The following MFHAS1 variants were observed in gnomAD, a reference collection of about 807,000 sequenced individuals.
MFHAS1 encodes multifunctional ROCO family signaling regulator 1.
A neutral mutation model predicts 70.4 loss-of-function variants in MFHAS1; 50 were observed. That is an observed-to-expected ratio of 0.71 (90% CI 0.57 to 0.90). MFHAS1 has a LOEUF of 0.90. Among genes scored for constraint, MFHAS1 ranks in the 40% least tolerant of loss-of-function variants. The pLI, the probability that MFHAS1 is intolerant of heterozygous loss-of-function variation, is 0.00. For missense variants in MFHAS1, 1,795 were observed against 1,347.6 expected, an observed-to-expected ratio of 1.33 and a Z score of -5.20; for synonymous variants, 952 against 620.0, an observed-to-expected ratio of 1.54 and a Z score of -7.96.
intron 1 of MFHAS1, among the ~76,000 whole-genome samples, chr8:8,833,112 A>T (rs1051140189): frequency 2.6e-5 from 4 of 152,082 alleles, no homozygotes; most frequent in Admixed American, 6.6e-5. Flanking sequence ...ACACACTTTT[A>T]AACAACCAGA....
intron 1 of MFHAS1, among the ~76,000 whole-genome samples, chr8:8,865,951 T>C (rs1481025178): frequency 1.3e-5 from 2 of 152,204 alleles, no homozygotes; most frequent in Non-Finnish European, 2.9e-5. Flanking sequence ...TCAGGCGGCT[T>C]GGCCTACTCT....
intron 1 of MFHAS1, 142 bp from the exon 2 acceptor site, chr8:8,797,633 A>C: frequency 1.1e-6 from 1 of 949,256 alleles, no homozygotes; most frequent in Non-Finnish European, 1.5e-6. Context: ...CAAATGTGCA[A>C]CCAAGAACAG....
intron 1 of MFHAS1, among the ~76,000 whole-genome samples, chr8:8,816,795 A>C (rs1806764252): frequency 6.6e-6 from 1 of 152,214 alleles, no homozygotes; most frequent in Admixed American, 6.5e-5. Flanking sequence ...AGGAGTAGCA[A>C]TAACATGGAA....
At chr8:8,855,754 G>A (rs192698046) in intron 1 of MFHAS1, among the ~76,000 whole-genome samples, 146 of 152,306 alleles carry the variant, frequency 9.6e-4, no homozygotes, top group Non-Finnish European at 1.6e-3. Flanking sequence ...TACTTGGGAG[G>A]CTGAGACAGG....
chr8:8,818,506 C>T (rs767669126), intron 1 of MFHAS1, among the ~76,000 whole-genome samples: 7 of 152,180 alleles, frequency 4.6e-5, no homozygotes, highest in Non-Finnish European at 5.9e-5. Flanking sequence ...GCCATTTATC[C>T]ACTGGATAAC....
At chr8:8,810,980 G>T (rs1257218013) in intron 1 of MFHAS1, among the ~76,000 whole-genome samples, 1 of 152,108 alleles carries the variant, frequency 6.6e-6, no homozygotes, top group Non-Finnish European at 1.5e-5. Context: ...CTTGCAATCG[G>T]ACCCACAGCA....
At chr8:8,808,809 G>C (rs1483264552) in intron 1 of MFHAS1, among the ~76,000 whole-genome samples, 3 of 152,204 alleles carry the variant, frequency 2.0e-5, no homozygotes, top group African/African-American at 4.8e-5. Flanking sequence ...TCAGGATCCA[G>C]TAGGGTACTT....
rs944717053 is a variant in MFHAS1, at chr8:8,883,093, C to T, written c.2998+6968G>A. ...ACTTGGACCCAGGAGGTGGAGGTTGCAGTGAGCCATGACTGTGCCACTGCA... is the reference window on the plus strand; with the variant it reads ...ACTTGGACCCAGGAGGTGGAGGTTGTAGTGAGCCATGACTGTGCCACTGCA... On this transcript the variant is annotated intron_variant, in intron 1 of 2. Coordinates refer to ENST00000276282, the MANE Select transcript of MFHAS1 (RefSeq NM_004225.3). 2.0e-5 allele frequency among the ~76,000 whole-genome samples: 3 copies of T among 152,266 alleles called. No homozygotes were observed. In the East Asian group the frequency reaches 5.8e-4, roughly 29 times the overall value.
Position 8,890,044 on chromosome 8 carries a change from T to C in MFHAS1, c.2998+17A>G. ...TTACAGCATACCACAGAAGAACTTC[T>C]CCCTCTCTCCACTTACCTGGAAAAG... On this transcript the variant is annotated intron_variant, in intron 1 of 2. Coordinates refer to ENST00000276282, the MANE Select transcript of MFHAS1 (RefSeq NM_004225.3). The C allele has an allele frequency of 1.3e-6, 2 of 1,557,774 alleles. No individual in the cohort carries two copies. Among genetic ancestry groups the C allele is most frequent in the Non-Finnish European group, 1.7e-6 (2 of 1,144,910 alleles).
intron 1 of MFHAS1, among the ~76,000 whole-genome samples, chr8:8,844,971 C>T (rs1164963699): frequency 6.6e-6 from 1 of 151,968 alleles, no homozygotes; most frequent in Non-Finnish European, 1.5e-5. Context: ...ACAAGAGCAA[C>T]AAAAGAAGAA....
intron 1 of MFHAS1, among the ~76,000 whole-genome samples, chr8:8,827,742 A>G (rs990392783): frequency 6.6e-6 from 1 of 152,184 alleles, no homozygotes; most frequent in Non-Finnish European, 1.5e-5. Flanking sequence ...TTCTTTTAGG[A>G]AAGTTAGCCT....
chr8:8,865,976 C>G (rs1223814068), intron 1 of MFHAS1, among the ~76,000 whole-genome samples: 1 of 152,176 alleles, frequency 6.6e-6, no homozygotes, highest in Non-Finnish European at 1.5e-5. Context: ...ACAGTGCAGC[C>G]ACGGAAAAAG....
chr8:8,824,051 T>C (rs929076907), intron 1 of MFHAS1, among the ~76,000 whole-genome samples: 1 of 150,348 alleles, frequency 6.7e-6, no homozygotes, highest in Non-Finnish European at 1.5e-5. Flanking sequence ...CAAAAACAGT[T>C]CCCCCTAGGA....
intron 1 of MFHAS1, among the ~76,000 whole-genome samples, chr8:8,825,920 A>T (rs1807140656): frequency 6.6e-6 from 1 of 152,174 alleles, no homozygotes; most frequent in African/African-American, 2.4e-5. Flanking sequence ...TCAGAGGTAG[A>T]AGGAGCCTAA....
intron 1 of MFHAS1, among the ~76,000 whole-genome samples, chr8:8,813,380 A>G (rs78092645): frequency 0.03 from 4,539 of 152,310 alleles, 237 homozygotes; most frequent in African/African-American, 0.1. Flanking sequence ...AAACAGCCTC[A>G]GGCAGGCCCT....
chr8:8,823,684 C>G (rs1417169295), intron 1 of MFHAS1, among the ~76,000 whole-genome samples: 1 of 150,662 alleles, frequency 6.6e-6, no homozygotes, highest in African/African-American at 2.4e-5. Context: ...TTCCCTAATT[C>G]TCCCGTCTTC....
intron 1 of MFHAS1, among the ~76,000 whole-genome samples, chr8:8,800,824 C>T (rs1373906984): frequency 6.6e-6 from 1 of 152,068 alleles, no homozygotes; most frequent in Non-Finnish European, 1.5e-5. Flanking sequence ...GATGCCAAGC[C>T]CCTGTCCTCA....
In MFHAS1 at chr8:8,892,020, G is replaced by A; in HGVS notation, c.1039C>T (p.Leu347Phe). ...GCGATCTGGTTCCCCTGCAGCACGAGCTCCTCCAGGCCGGTCAGCTCCACG... is the reference window on the plus strand; with the variant it reads ...GCGATCTGGTTCCCCTGCAGCACGAACTCCTCCAGGCCGGTCAGCTCCACG... ...SIVELTGLEE[L>F]VLQGNQIAVL... The change falls in exon 1 of 3, where the codon CTC becomes TTC. Residue 347 changes from leucine to phenylalanine, a missense_variant. Transcript: ENST00000276282. This position sits in a 1 kb window ranked among gnomAD's most constrained non-coding sequence, Gnocchi z 4.7. 1 of 1,613,580 alleles carries A rather than the reference G, an allele frequency of 6.2e-7. No individual in the cohort carries two copies. Among genetic ancestry groups the A allele is most frequent in the Non-Finnish European group, 8.5e-7 (1 of 1,180,020 alleles).
rs890665039 is a variant in MFHAS1 at position 8,846,972 on chromosome 8, T to C, written c.2998+43089A>G. The stretch of plus-strand genomic sequence containing the variant: ...GAATAAACTTATTATGCATCTACTA[T>C]ATGCCAGACACAATAAATATTTGTT... On this transcript the variant is annotated intron_variant, in intron 1 of 2. Transcript: ENST00000276282. 2.6e-5 allele frequency among the ~76,000 whole-genome samples: 4 copies of C among 152,280 alleles called. No individual in the cohort carries two copies. In the South Asian group the frequency reaches 8.3e-4, roughly 32 times the overall value.
Sources: gnomAD v4.1 joint callset for allele counts (sites outside exome capture counted in the v4.1 genomes callset) on GRCh38, gnomAD v4.1.1 for gene constraint, Gnocchi (gnomAD v3.1) non-coding constraint, MANE v1.5 for transcripts, NCBI Gene and HGNC (gene_info 2026-07-23, HGNC 2026-07-21) for gene names.